PCDHA12: variants seen among roughly 807,000 people sequenced by gnomAD.
PCDHA12 encodes protocadherin alpha 12.
Under a neutral mutation model 60.0 loss-of-function variants are expected in PCDHA12, and 44 were observed. The ratio of observed to expected loss-of-function variants is 0.73; its 90% CI spans 0.58 to 0.94. PCDHA12 has a LOEUF of 0.94. PCDHA12 is among the 40% of genes least tolerant of loss of function. The pLI is 0.00. For synonymous variants in PCDHA12, 569 were observed against 553.0 expected (o/e 1.03, Z -0.40); for missense variants, 1,276 against 1,239.7 (o/e 1.03, Z -0.44).
intron 1 of PCDHA12, among the ~76,000 whole-genome samples, chr5:140,907,882 G>T (rs895415928): frequency 6.6e-6 from 1 of 152,168 alleles, no homozygotes; most frequent in Non-Finnish European, 1.5e-5. Context: ...GCACTCACAT[G>T]GGATACAAAT....
chr5:140,898,528 TG>T (rs2066807286), intron 1 of PCDHA12, among the ~76,000 whole-genome samples: 1 of 152,236 alleles, frequency 6.6e-6, no homozygotes, highest in African/African-American at 2.4e-5. Flanking sequence ...CTGAGGGCTC[TG>T]TTCTGTTCCA....
intron 1 of PCDHA12, 29 bp downstream of exon 1, chr5:140,877,868 T>G: frequency 6.7e-7 from 1 of 1,488,916 alleles, no homozygotes; most frequent in Non-Finnish European, 8.9e-7. Context: ...TTAGATATAT[T>G]TGTTTCCTTG....
intron 1 of PCDHA12, chr5:140,927,707 T>G (rs1224984801): frequency 6.2e-7 from 1 of 1,614,080 alleles, no homozygotes; most frequent in African/African-American, 1.3e-5. Flanking sequence ...CAGTACTCCC[T>G]AAGCAACAGC....
intron 1 of PCDHA12, among the ~76,000 whole-genome samples, chr5:140,976,409 G>C (rs1208759254): frequency 6.6e-6 from 1 of 152,064 alleles, no homozygotes; most frequent in African/African-American, 2.4e-5. Flanking sequence ...AAATTAGCCA[G>C]GTACGGTGGC....
At chr5:140,997,993 C>T (rs1356544638) in intron 3 of PCDHA12, among the ~76,000 whole-genome samples, 1 of 152,082 alleles carries the variant, frequency 6.6e-6, no homozygotes, top group Non-Finnish European at 1.5e-5. Flanking sequence ...TACATACTTC[C>T]CTCTGAGCCT....
chr5:140,924,876 C>G (rs1380631161), intron 1 of PCDHA12, among the ~76,000 whole-genome samples: 1 of 144,704 alleles, frequency 6.9e-6, no homozygotes, highest in Non-Finnish European at 1.5e-5. Flanking sequence ...GCCTGGGTGA[C>G]AGAGCAAGAA....
At chr5:140,945,664 C>T (rs1342424562) in intron 1 of PCDHA12, among the ~76,000 whole-genome samples, 1 of 152,048 alleles carries the variant, frequency 6.6e-6, no homozygotes, top group Admixed American at 6.5e-5. Context: ...ATACAGCTCC[C>T]AGAAATAAAT....
intron 1 of PCDHA12, among the ~76,000 whole-genome samples, chr5:140,896,899 C>T (rs191660343): frequency 1.4e-4 from 21 of 152,112 alleles, no homozygotes; most frequent in Admixed American, 1.4e-3. Flanking sequence ...CATTTTGATA[C>T]AAGCATGCAA....
chr5:141,007,728 G>A (rs2098342783), intron 3 of PCDHA12, among the ~76,000 whole-genome samples: 1 of 152,096 alleles, frequency 6.6e-6, no homozygotes, highest in Non-Finnish European at 1.5e-5. Context: ...GAGAACAAAG[G>A]TTAACCACTG....
rs534648937 is a variant in PCDHA12, at chr5:140,875,978, C to T, written c.506C>T (p.Thr169Ile). Residue 169 changes from threonine to isoleucine, a missense_variant, in exon 1 of 4, where the codon ACC becomes ATC. Physicochemically the swap from Thr to Ile is moderately conservative, Grantham distance 89. Transcript: ENST00000398631. Reference sequence around the variant, plus strand: ...GATATCGGCGTAAACTCTCTTTTGACCTATGCGTTAAGTCTAAATGAGAAT... The same window carrying T: ...GATATCGGCGTAAACTCTCTTTTGATCTATGCGTTAAGTCTAAATGAGAAT... Reference protein sequence around the residue: ...DADIGVNSLLTYALSLNENFE... With the variant: ...DADIGVNSLLIYALSLNENFE... 2 of 1,613,976 alleles carry T rather than the reference C, an allele frequency of 1.2e-6. No individual in the cohort carries two copies. Among genetic ancestry groups the T allele is most frequent in the East Asian group, 4.5e-5 (2 of 44,886 alleles).
chr5:140,993,238 T>A (rs896841031), intron 3 of PCDHA12, among the ~76,000 whole-genome samples: 1 of 152,182 alleles, frequency 6.6e-6, no homozygotes, highest in African/African-American at 2.4e-5. Context: ...TCTCTGAATC[T>A]GGGGATTTAG....
intron 1 of PCDHA12, among the ~76,000 whole-genome samples, chr5:140,965,098 A>G (rs1554227430): frequency 6.6e-6 from 1 of 152,244 alleles, no homozygotes; most frequent in African/African-American, 2.4e-5. Flanking sequence ...GTCCATAGCT[A>G]GAAAATGACC....
chr5:140,894,821 C>T, intron 1 of PCDHA12, among the ~76,000 whole-genome samples: 1 of 151,806 alleles, frequency 6.6e-6, no homozygotes, highest in Non-Finnish European at 1.5e-5. Context: ...TCAGATTTGC[C>T]CATAATCCTT....
intron 1 of PCDHA12, among the ~76,000 whole-genome samples, chr5:140,917,013 A>G (rs565656440): frequency 2.6e-4 from 39 of 152,080 alleles, no homozygotes; most frequent in Non-Finnish European, 4.6e-4. Context: ...ATCTCCCTTC[A>G]TGTGCAGCTG....
chr5:140,900,063 G>A (rs1554188862), intron 1 of PCDHA12, among the ~76,000 whole-genome samples: 3 of 152,122 alleles, frequency 2.0e-5, no homozygotes, highest in African/African-American at 7.2e-5. Context: ...TTTAACCTCA[G>A]CCTCCAAAAG....
chr5:140,946,405 T>C (rs1554217546), intron 1 of PCDHA12, among the ~76,000 whole-genome samples: 1 of 151,592 alleles, frequency 6.6e-6, no homozygotes, highest in South Asian at 2.1e-4. Context: ...AGTACAATCA[T>C]AGAAAACAAT....
chr5:140,987,513 A>C (rs1324114239), intron 3 of PCDHA12, among the ~76,000 whole-genome samples: 3 of 152,168 alleles, frequency 2.0e-5, no homozygotes, highest in Non-Finnish European at 4.4e-5. Flanking sequence ...TCTGCCACTC[A>C]GTAATTGTAT....
Position 141,000,361 on chromosome 5 carries a change from G to GTCTCTCTC in PCDHA12, c.2516-9238_2516-9231dup, listed in dbSNP as rs148596731. 4.9e-4 allele frequency among the ~76,000 whole-genome samples: 13 copies of GTCTCTCTC among 26,444 alleles called. No individual in the cohort carries two copies. In the East Asian group the frequency reaches 6.3e-3, roughly 13 times the overall value. The allele number at this position is 26,444 out of a possible 152,430, so 17.3% of individuals were successfully genotyped here. A position where few individuals can be genotyped will look rare whatever the true frequency, so the allele number is the denominator to read the frequency against. ...CCTATCTCTCTCTCTGTCTCTCTCT[G>GTCTCTCTC]TCTCTCTCTCTCTCTCTCTCTCTCT... is the stretch of plus-strand genomic sequence containing the variant. On this transcript the variant is annotated intron_variant, in intron 3 of 3. Coordinates refer to ENST00000398631, the MANE Select transcript of PCDHA12 (RefSeq NM_018903.4).
intron 1 of PCDHA12, among the ~76,000 whole-genome samples, chr5:140,970,367 TA>T (rs1554232416): frequency 6.6e-6 from 1 of 152,216 alleles, no homozygotes; most frequent in Non-Finnish European, 1.5e-5. Flanking sequence ...TGATTTGCTA[TA>T]GCTTCAAAAG....
Sources: gnomAD v4.1 joint callset for allele counts (sites outside exome capture counted in the v4.1 genomes callset) on GRCh38, gnomAD v4.1.1 for gene constraint, MANE v1.5 for transcripts, NCBI Gene and HGNC (gene_info 2026-07-23, HGNC 2026-07-21) for gene names.